F13A1: variants seen among roughly 807,000 people sequenced by gnomAD.
F13A1 encodes coagulation factor XIII A chain.
Under a neutral mutation model 80.1 loss-of-function variants are expected in F13A1, and 47 were observed. That is an observed-to-expected ratio of 0.59 (90% CI 0.46 to 0.75). The LOEUF is 0.75. Ranked by LOEUF, F13A1 falls within the 30% of genes least tolerant of loss-of-function variation. The probability of loss-of-function intolerance (pLI) is 0.00; values close to 1 mark genes in which losing one functional copy is unlikely to be tolerated. For missense variants in F13A1, 817 were observed against 930.4 expected, an observed-to-expected ratio of 0.88 and a Z score of 1.59; for synonymous variants, 349 against 344.9, an observed-to-expected ratio of 1.01 and a Z score of -0.13.
chr6:6,300,139 C>G (rs559038850), intron 3 of F13A1, among the ~76,000 whole-genome samples: 19 of 140,548 alleles, frequency 1.4e-4, no homozygotes, highest in South Asian at 4.3e-4. Context: ...GGGAGAACCA[C>G]TGCTCTCTTC....
chr6:6,272,953 C>G (rs1757942151), intron 3 of F13A1, among the ~76,000 whole-genome samples: 1 of 152,190 alleles, frequency 6.6e-6, no homozygotes, highest in African/African-American at 2.4e-5. Context: ...AGACAAGACT[C>G]CTATGTAAGA....
chr6:6,153,014 T>C (rs1760405550), intron 13 of F13A1, among the ~76,000 whole-genome samples: 1 of 152,272 alleles, frequency 6.6e-6, no homozygotes, highest in African/African-American at 2.4e-5. Flanking sequence ...TTACAGTTGA[T>C]GCTTTTTAGG....
chr6:6,296,556 C>G (rs1412219605), intron 3 of F13A1, among the ~76,000 whole-genome samples: 1 of 150,460 alleles, frequency 6.6e-6, no homozygotes, highest in African/African-American at 2.5e-5. Flanking sequence ...TTGTCTGTTG[C>G]TGGTGTATAA....
At chr6:6,193,518 CTCT>C (rs1305248278) in intron 10 of F13A1, among the ~76,000 whole-genome samples, 3 of 152,286 alleles carry the variant, frequency 2.0e-5, no homozygotes, top group African/African-American at 7.2e-5. Context: ...ACTCAAACAT[CTCT>C]TAAAAATGGC....
intron 4 of F13A1, among the ~76,000 whole-genome samples, chr6:6,256,716 A>G (rs1422790204): frequency 2.0e-5 from 3 of 152,164 alleles, no homozygotes; most frequent in Non-Finnish European, 4.4e-5. Context: ...TATAACAAAC[A>G]TGTAAAAACA....
chr6:6,306,714 C>T (rs897012094), intron 2 of F13A1, among the ~76,000 whole-genome samples: 6 of 152,238 alleles, frequency 3.9e-5, no homozygotes, highest in Non-Finnish European at 7.3e-5. Context: ...TCTTGCCCTC[C>T]CCCTCCCTGC....
In F13A1 at chr6:6,299,725, G is replaced by A. The variant is rs367905223; in HGVS notation, c.319+5626C>T. Among the ~76,000 whole-genome samples the A allele has an allele frequency of 5.8e-3, 830 of 143,460 alleles. 4 individuals carry two copies. Among genetic ancestry groups the A allele is most frequent in the South Asian group, 0.012 (53 of 4,544 alleles). 94.1% of individuals were successfully genotyped at this position (143,460 alleles called of 152,430 possible). On this transcript the variant is annotated intron_variant, in intron 3 of 14. Coordinates refer to ENST00000264870, the MANE Select transcript of F13A1 (RefSeq NM_000129.4). ...TCCCGTAGCTCAGAGTAATTTGATCGTCTGAAGCCTTCTTCTCTCAGCTCG... is the reference window on the plus strand; with the variant it reads ...TCCCGTAGCTCAGAGTAATTTGATCATCTGAAGCCTTCTTCTCTCAGCTCG...
At chr6:6,188,078 A>G (rs975113115) in intron 10 of F13A1, among the ~76,000 whole-genome samples, 1 of 151,596 alleles carries the variant, frequency 6.6e-6, no homozygotes, top group Admixed American at 6.6e-5. Context: ...TATCCCCTTT[A>G]TCATTTTTTA....
chr6:6,303,775 C>A (rs1414177301), intron 3 of F13A1, among the ~76,000 whole-genome samples: 3 of 152,056 alleles, frequency 2.0e-5, no homozygotes, highest in African/African-American at 7.2e-5. Context: ...GATTTAATAG[C>A]TGGTTTATAT....
intron 8 of F13A1, among the ~76,000 whole-genome samples, chr6:6,201,305 CTCT>C (rs1488695447): frequency 1.3e-5 from 2 of 152,204 alleles, no homozygotes; most frequent in Non-Finnish European, 1.5e-5. Flanking sequence ...TACACATGAT[CTCT>C]TCTAGTTTCA....
rs963697261 is a variant in F13A1 at position 6,188,060 on chromosome 6, G to A, written c.1306-5919C>T. ...TGGTACTTTGTATTTCTGTGGGATC[G>A]GTGGTGATATCCCCTTTATCATTTT... On this transcript the variant is annotated intron_variant, in intron 10 of 14. Coordinates refer to ENST00000264870, the MANE Select transcript of F13A1 (RefSeq NM_000129.4). 1.3e-4 allele frequency among the ~76,000 whole-genome samples: 20 copies of A among 151,856 alleles called. No individual in the cohort carries two copies. In the East Asian group the frequency reaches 2.3e-3, roughly 18 times the overall value.
At chr6:6,228,503 G>A (rs1018787440) in intron 6 of F13A1, among the ~76,000 whole-genome samples, 7 of 152,148 alleles carry the variant, frequency 4.6e-5, no homozygotes, top group Admixed American at 1.3e-4. Context: ...AGAGGATGAG[G>A]CAGATAGATT....
At chr6:6,259,995 T>C (rs746473827) in intron 4 of F13A1, among the ~76,000 whole-genome samples, 18 of 152,196 alleles carry the variant, frequency 1.2e-4, no homozygotes, top group Non-Finnish European at 2.2e-4. Flanking sequence ...ATACATTCAA[T>C]AGTTCAGAGT....
chr6:6,312,033 A>G (rs1480236952), intron 2 of F13A1, among the ~76,000 whole-genome samples: 2 of 148,312 alleles, frequency 1.3e-5, no homozygotes, highest in East Asian at 1.9e-4. Flanking sequence ...AACTTTTTAT[A>G]TATATATAAA....
rs145972321 is a variant in F13A1, at chr6:6,234,384, T to C, written c.799-9524A>G. 8.9e-3 allele frequency among the ~76,000 whole-genome samples: 1,361 copies of C among 152,130 alleles called. 13 individuals carry two copies. Among genetic ancestry groups the C allele is most frequent in the Non-Finnish European group, 0.014 (922 of 67,900 alleles). ...CGAACATGAAGTACTTCAGGGAATA[T>C]GGTACCTATCATAACCAAACTATTA... On this transcript the variant is annotated intron_variant, in intron 6 of 14. Coordinates refer to ENST00000264870, the MANE Select transcript of F13A1 (RefSeq NM_000129.4).
intron 2 of F13A1, among the ~76,000 whole-genome samples, chr6:6,315,401 G>A (rs1758663939): frequency 6.6e-6 from 1 of 151,456 alleles, no homozygotes; most frequent in Non-Finnish European, 1.5e-5. Flanking sequence ...TGAATGGCTG[G>A]TCCCACCTCT....
intron 2 of F13A1, among the ~76,000 whole-genome samples, chr6:6,305,821 A>G (rs528013409): frequency 1.3e-5 from 2 of 152,162 alleles, no homozygotes; most frequent in Non-Finnish European, 2.9e-5. Context: ...GGGAGATCCA[A>G]ATACAGAGAA....
chr6:6,311,351 C>T (rs866737927), intron 2 of F13A1, among the ~76,000 whole-genome samples: 12 of 151,890 alleles, frequency 7.9e-5, no homozygotes, highest in African/African-American at 9.7e-5. Flanking sequence ...AGTTTCAGGA[C>T]ATATATATAG....
At chr6:6,148,228 C>A (rs1012273618) in intron 14 of F13A1, among the ~76,000 whole-genome samples, 1 of 152,172 alleles carries the variant, frequency 6.6e-6, no homozygotes, top group African/African-American at 2.4e-5. Context: ...GAGGTGGAAC[C>A]TCTGCACATC....
Sources: gnomAD v4.1 joint callset for allele counts (sites outside exome capture counted in the v4.1 genomes callset) on GRCh38, gnomAD v4.1.1 for gene constraint, MANE v1.5 for transcripts, NCBI Gene and HGNC (gene_info 2026-07-23, HGNC 2026-07-21) for gene names.